ARFGEF1: variants seen among roughly 807,000 people sequenced by gnomAD.
ARFGEF1 encodes ARF guanine nucleotide exchange factor 1.
A neutral mutation model predicts 231.0 loss-of-function variants in ARFGEF1; 42 were observed. The observed-to-expected ratio is 0.18, with a 90% CI of 0.14 to 0.24. The LOEUF (loss-of-function observed/expected upper bound fraction) is 0.24, where lower values mean the gene tolerates loss of function less well. Among genes scored for constraint, ARFGEF1 ranks in the 10% least tolerant of loss-of-function variants. ARFGEF1 has a pLI of 1.00. For missense variants in ARFGEF1, 1,345 were observed against 2,192.0 expected, an observed-to-expected ratio of 0.61 and a Z score of 7.72; for synonymous variants, 710 against 732.3, an observed-to-expected ratio of 0.97 and a Z score of 0.49.
chr8:67,307,610 G>A (rs1434020172), intron 1 of ARFGEF1, among the ~76,000 whole-genome samples: 1 of 152,216 alleles, frequency 6.6e-6, no homozygotes, highest in Non-Finnish European at 1.5e-5. Context: ...AGCTGGAGGG[G>A]TAGGAGTGAA....
chr8:67,266,096 C>G lies in ARFGEF1; in HGVS notation c.2033G>C (p.Ser678Thr). 6.2e-7 allele frequency: 1 copy of G among 1,613,814 alleles called. No individual in the cohort carries two copies. Among genetic ancestry groups the G allele is most frequent in the Non-Finnish European group, 8.5e-7 (1 of 1,179,802 alleles). Residue 678 changes from serine to threonine, a missense_variant, in exon 14 of 39, where the codon AGC (serine) becomes ACC (threonine). Physicochemically the swap from Ser to Thr is moderately conservative, Grantham distance 58. Around this residue, in one of 14 missense-constraint regions of ARFGEF1, gnomAD observed 105 missense variants for 159.3 expected, o/e 0.66. Transcript: ENST00000262215. The part of the protein sequence containing the change: ...LESTSSSGIG[S>T]YSTQMSGTDN... ...AGTGCCAGACATCTGTGTACTGTAG[C>G]TGCCTATTCCTGATGATGATGTTGA...
intron 5 of ARFGEF1, among the ~76,000 whole-genome samples, chr8:67,187,086 A>G (rs1202669624): frequency 2.0e-5 from 3 of 152,154 alleles, no homozygotes; most frequent in Non-Finnish European, 2.9e-5. Context: ...AAATAAATGG[A>G]GATATATTTC....
At chr8:67,330,696 CTCT>C (rs1224850085) in intron 1 of ARFGEF1, among the ~76,000 whole-genome samples, 1 of 152,138 alleles carries the variant, frequency 6.6e-6, no homozygotes, top group Non-Finnish European at 1.5e-5. Flanking sequence ...CTTATTTTTA[CTCT>C]TCATCTTTGC....
chr8:67,185,757 TTGA>T lies in ARFGEF1; in HGVS notation c.561-10188_561-10186del, dbSNP rs149271272. Among the ~76,000 whole-genome samples the T allele has an allele frequency of 2.5e-3, 386 of 151,922 alleles. 12 individuals carry two copies. In the East Asian group the frequency reaches 0.063, roughly 25 times the overall value. ...GATGATGAAGATGATGATGATGAGTTTGATGATGAGGAAGCTGAAGAAAAAGCA... is the reference window on the plus strand; with the variant it reads ...GATGATGAAGATGATGATGATGAGTTTGATGAGGAAGCTGAAGAAAAAGCA... On this transcript the variant is annotated intron_variant, in intron 5 of 5. Transcript: ENST00000518789.
Position 67,199,073 on chromosome 8 carries a change from T to C in ARFGEF1, c.5411A>G (p.Tyr1804Cys), listed in dbSNP as rs748819686. The stretch of plus-strand genomic sequence containing the variant: ...TTGCATAATTTCACATAAGAGAGGG[T>C]AGTAGAATGATGCATGAGCTTTAAA... ...NRFKAHASFY[Y>C]PLLCEIMQFD... The change falls in exon 39 of 39, where the codon TAC (tyrosine) becomes TGC (cysteine). Residue 1804 changes from tyrosine (Y) to cysteine (C), a missense_variant. By Grantham distance (194) the Tyr-to-Cys change is radical (BLOSUM62 -2). Coordinates refer to ENST00000262215, the MANE Select transcript of ARFGEF1 (RefSeq NM_006421.5). The C allele has an allele frequency of 2.5e-6, 4 of 1,610,714 alleles. No individual in the cohort carries two copies. The highest frequency in any genetic ancestry group is 3.4e-5 in the Admixed American group (2 of 59,026).
rs1424993303 is a variant in ARFGEF1 at position 67,253,578 on chromosome 8, T to C, written c.2571A>G (p.Arg857=). 1.3e-6 allele frequency: 2 copies of C among 1,573,910 alleles called. No individual in the cohort carries two copies. Among genetic ancestry groups the C allele is most frequent in the South Asian group, 1.1e-5 (1 of 87,910 alleles). The change falls in exon 18 of 39, where the codon AGA becomes AGG. Residue 857 remains arginine, a synonymous_variant. Coordinates refer to ENST00000262215, the MANE Select transcript of ARFGEF1 (RefSeq NM_006421.5). The part of the protein sequence containing the change: ...MTKEQYIKMN[R]GINDSKDLPE... Reference sequence around the variant, plus strand: ...GAAGGTCTTTACTGTCATTGATACCTCTATTCATCTTAATGTATTGTTCCT... The same window carrying C: ...GAAGGTCTTTACTGTCATTGATACCCCTATTCATCTTAATGTATTGTTCCT...
chr8:67,295,564 T>C (rs1422082218), intron 5 of ARFGEF1, among the ~76,000 whole-genome samples: 1 of 152,190 alleles, frequency 6.6e-6, no homozygotes, highest in East Asian at 1.9e-4. Flanking sequence ...AAATTATTAG[T>C]ATCCTTTTAA....
At chr8:67,277,260 C>T in intron 8 of ARFGEF1, 22 bp downstream of exon 8, 2 of 1,610,624 alleles carry the variant, frequency 1.2e-6, no homozygotes, top group South Asian at 1.1e-5. Context: ...ATTTCTCCCC[C>T]TCCCCACCCC....
At chr8:67,206,215 G>A (rs1010082773) in intron 34 of ARFGEF1, among the ~76,000 whole-genome samples, 1 of 152,004 alleles carries the variant, frequency 6.6e-6, no homozygotes, top group African/African-American at 2.4e-5. Context: ...TTCGAGACCA[G>A]GTTGGCCCAC....
At chr8:67,251,773 T>C (rs998321750) in intron 18 of ARFGEF1, among the ~76,000 whole-genome samples, 14 of 152,252 alleles carry the variant, frequency 9.2e-5, no homozygotes, top group African/African-American at 2.9e-4. Flanking sequence ...GTTATGAATG[T>C]ACTAAATGCC....
At chr8:67,310,917 G>A (rs1438858015) in intron 1 of ARFGEF1, among the ~76,000 whole-genome samples, 1 of 151,336 alleles carries the variant, frequency 6.6e-6, no homozygotes, top group African/African-American at 2.4e-5. Flanking sequence ...CCCCATCTGG[G>A]AAGTGAGGAG....
chr8:67,210,458 G>A (rs752586741), intron 34 of ARFGEF1, among the ~76,000 whole-genome samples: 6 of 151,992 alleles, frequency 3.9e-5, no homozygotes, highest in Non-Finnish European at 7.4e-5. Flanking sequence ...GTGACAGAGT[G>A]AGACTCTGTC....
intron 33 of ARFGEF1, 94 bp from the exon 34 acceptor site, chr8:67,211,709 G>A: frequency 2.9e-6 from 2 of 698,266 alleles, no homozygotes; most frequent in Non-Finnish European, 4.1e-6. Context: ...ATTATATTAT[G>A]TCCCTATGAA....
chr8:67,177,624 T>C, intron 5 of ARFGEF1: 1 of 1,123,662 alleles, frequency 8.9e-7, no homozygotes, highest in South Asian at 1.4e-5. Context: ...AAATTTAATT[T>C]ATATAGTAAG....
intron 2 of ARFGEF1, 43 bp from the exon 3 acceptor site, chr8:67,301,423 T>C: frequency 6.5e-7 from 1 of 1,548,752 alleles, no homozygotes; most frequent in Non-Finnish European, 8.7e-7. Context: ...ATCACATTTA[T>C]AATATTGATA....
chr8:67,227,686 G>T, intron 25 of ARFGEF1, 88 bp from the exon 26 acceptor site: 1 of 1,373,034 alleles, frequency 7.3e-7, no homozygotes. Context: ...AAAAAGTATA[G>T]AATAGCATAG....
At chr8:67,193,161 G>A (rs988795941), downstream of ARFGEF1, among the ~76,000 whole-genome samples, 1 of 152,026 alleles carries the variant, frequency 6.6e-6, no homozygotes, top group African/African-American at 2.4e-5. Context: ...CTGTCTCCCA[G>A]GCTGGAGTCC....
At chr8:67,227,092 T>C (rs760252374) in intron 27 of ARFGEF1, 45 bp downstream of exon 27, 5 of 692,354 alleles carry the variant, frequency 7.2e-6, no homozygotes, top group South Asian at 3.6e-5. Flanking sequence ...TTAAGGTTGC[T>C]TTTTTTTTTT....
intron 34 of ARFGEF1, among the ~76,000 whole-genome samples, chr8:67,205,651 GT>G (rs1563835035): frequency 6.6e-6 from 1 of 152,068 alleles, no homozygotes; most frequent in Non-Finnish European, 1.5e-5. Context: ...GAGGTCAGGA[GT>G]TCAAGACCAG....
Sources: gnomAD v4.1 joint callset for allele counts (sites outside exome capture counted in the v4.1 genomes callset) on GRCh38, gnomAD v4.1.1 for gene constraint, gnomAD v4.1.1 regional missense constraint, MANE v1.5 for transcripts, NCBI Gene and HGNC (gene_info 2026-07-23, HGNC 2026-07-21) for gene names.